Variants in AMPD1 observed in about 807,000 individuals in gnomAD.
AMPD1 encodes adenosine monophosphate deaminase 1.
AMPD1 carries 74 observed loss-of-function variants against 82.9 expected under a neutral mutation model. That is an observed-to-expected ratio of 0.89 (90% confidence interval 0.74 to 1.08). AMPD1 has a LOEUF of 1.08. AMPD1 is among the 50% of genes least tolerant of loss of function. AMPD1 has a pLI of 0.00. For missense variants in AMPD1, 881 were observed against 924.5 expected (o/e 0.95, Z 0.61); for synonymous variants, 333 against 320.5 (o/e 1.04, Z -0.42).
intron 2 of AMPD1, among the ~76,000 whole-genome samples, chr1:114,689,469 G>A (rs1469591856): frequency 6.6e-6 from 1 of 152,054 alleles, no homozygotes. Context: ...AAAATGGGGG[G>A]AAATGATGCT....
At chr1:114,693,350 AT>A in intron 2 of AMPD1, 85 bp downstream of exon 2, 1 of 1,335,480 alleles carries the variant, frequency 7.5e-7, no homozygotes, top group Non-Finnish European at 1.1e-6. Context: ...CTGCTGAAAA[AT>A]AGCCATGTTT....
At chr1:114,674,665 T>C in intron 13 of AMPD1, 87 bp downstream of exon 13, 1 of 1,490,044 alleles carries the variant, frequency 6.7e-7, no homozygotes, top group Non-Finnish European at 9.3e-7. Flanking sequence ...GCAGTGTCGA[T>C]AATGACTTGT....
chr1:114,677,717 A>G (rs1658032598), intron 9 of AMPD1, among the ~76,000 whole-genome samples, 193 bp downstream of exon 9: 1 of 151,904 alleles, frequency 6.6e-6, no homozygotes, highest in South Asian at 2.1e-4. Context: ...GTCAGAGGAA[A>G]TCCTTATATT....
chr1:114,674,612 G>A (rs1657926708), intron 13 of AMPD1, 140 bp downstream of exon 13: 1 of 999,808 alleles, frequency 1.0e-6, no homozygotes, highest in Admixed American at 2.4e-5. Flanking sequence ...AGAATGAACT[G>A]CACTAAACTA....
chr1:114,675,345 G>A (rs944038852), intron 12 of AMPD1, among the ~76,000 whole-genome samples, 185 bp downstream of exon 12: 1 of 151,934 alleles, frequency 6.6e-6, no homozygotes, highest in African/African-American at 2.4e-5. Context: ...TGAAAGCATC[G>A]AAATACCGAT....
In AMPD1 at chr1:114,679,768, C is replaced by A. The variant is rs1334360735; in HGVS notation, c.768-60G>T. ...TTCAGGCATTCAAGAAAAACAGTCACAATTTCAAAACTATCAGGACCTTTA... is the reference window on the plus strand; with the variant it reads ...TTCAGGCATTCAAGAAAAACAGTCAAAATTTCAAAACTATCAGGACCTTTA... On this transcript the variant is annotated intron_variant, in intron 6 of 15. Coordinates refer to ENST00000520113, the MANE Select transcript of AMPD1 (RefSeq NM_000036.3). 4.4e-6 allele frequency: 7 copies of A among 1,581,364 alleles called. No homozygotes were observed. In the East Asian group the frequency reaches 1.3e-4, roughly 30 times the overall value.
chr1:114,688,871 C>A, intron 2 of AMPD1, 130 bp from the exon 3 acceptor site: 1 of 994,904 alleles, frequency 1.0e-6, no homozygotes, highest in Non-Finnish European at 1.6e-6. Context: ...AACCAGGGTC[C>A]AACACAGAGC....
intron 2 of AMPD1, 61 bp from the exon 3 acceptor site, chr1:114,688,802 C>T: frequency 1.3e-6 from 2 of 1,585,006 alleles, no homozygotes; most frequent in Non-Finnish European, 1.7e-6. Flanking sequence ...CTGAGAGTTT[C>T]TGCTATGTGT....
In AMPD1 at chr1:114,674,043, G is replaced by A; in HGVS notation, c.1840C>T (p.Pro614Ser). 1 of 1,613,984 alleles carries A rather than the reference G, an allele frequency of 6.2e-7. No homozygotes were observed. The highest frequency in any genetic ancestry group is 8.5e-7 in the Non-Finnish European group (1 of 1,179,924). The change falls in exon 14 of 16, where the codon CCC becomes TCC. Residue 614 changes from proline to serine, a missense_variant. Pro to Ser is a moderately conservative substitution (Grantham distance 74). Transcript: ENST00000520113. ...LQYLFFLAQI[P>S]IAMSPLSNNS... ...TTACTTAGTGGTGACATGGCGATGG[G>A]AATTTGGGCTAAGAAAAACAAGTAC...
At chr1:114,683,575 A>G (rs527737716) in intron 5 of AMPD1, among the ~76,000 whole-genome samples, 1 of 152,220 alleles carries the variant, frequency 6.6e-6, no homozygotes, top group South Asian at 2.1e-4. Context: ...ATCTCTACAA[A>G]AAAATACAAA....
chr1:114,673,669 G>T lies in AMPD1; in HGVS notation c.2055C>A (p.Asn685Lys). ...GAGAAATTCCACACTGCAAGACACT[G>T]TTCCTTGCCACTTCGCACATATCAC... is the stretch of plus-strand genomic sequence containing the variant. Reference protein sequence around the residue: ...STCDMCEVARNSVLQCGISHE... With the variant: ...STCDMCEVARKSVLQCGISHE... Residue 685 changes from asparagine (N) to lysine (K), a missense_variant, in exon 15 of 16, where the codon AAC becomes AAA. By Grantham distance (94) the Asn-to-Lys change is moderately conservative. Coordinates refer to ENST00000520113, the MANE Select transcript of AMPD1 (RefSeq NM_000036.3). 2 of 1,614,088 alleles carry T rather than the reference G, an allele frequency of 1.2e-6. No individual in the cohort carries two copies. Among genetic ancestry groups the T allele is most frequent in the South Asian group, 1.1e-5 (1 of 91,088 alleles).
At position 114,674,210 on chromosome 1, in the gene AMPD1, T is replaced by C. The variant is rs918944439; in HGVS notation, c.1801-128A>G. The C allele has an allele frequency of 3.6e-6, 3 of 824,686 alleles. No individual in the cohort carries two copies. The African/African-American group carries it at 5.2e-5, about 14-fold the overall frequency. The allele number at this position is 824,686 out of a possible 1,614,324, so 51.1% of individuals were successfully genotyped here. A position where few individuals can be genotyped will look rare whatever the true frequency, so the allele number is the denominator to read the frequency against. ...AATTATCACTTGTTCTTCAAGTCTC[T>C]TAGTAAGGAGAATTTAGGAGTTTTT... is the stretch of plus-strand genomic sequence containing the variant. On this transcript the variant is annotated intron_variant, in intron 13 of 15. Coordinates refer to ENST00000520113, the MANE Select transcript of AMPD1 (RefSeq NM_000036.3).
At chr1:114,677,273 C>T (rs1177174497) in intron 10 of AMPD1, 78 bp downstream of exon 10, 9 of 1,571,716 alleles carry the variant, frequency 5.7e-6, no homozygotes, top group Admixed American at 1.7e-5. Context: ...ATGGGCAACA[C>T]GTTCCTTGTT....
chr1:114,680,330 A>G lies in AMPD1; in HGVS notation c.696T>C (p.Leu232=), dbSNP rs989085021. The change falls in exon 6 of 16, where the codon CTT becomes CTC. Residue 232 remains leucine, a synonymous_variant. Transcript: ENST00000520113. ...AGAAGGTGTCCAGATTTGGGTAAGG[A>G]AGTGGCTTAGGCTCATCTTTGCTGA... is the stretch of plus-strand genomic sequence containing the variant. ...AAVSKDEPKP[L]PYPNLDTFLD... The G allele has an allele frequency of 1.2e-6, 2 of 1,614,200 alleles. No individual in the cohort carries two copies. The highest frequency in any genetic ancestry group is 3.3e-5 in the Admixed American group (2 of 60,028).
chr1:114,687,001 T>G (rs1658341301), intron 3 of AMPD1, 91 bp from the exon 4 acceptor site: 1 of 1,403,570 alleles, frequency 7.1e-7, no homozygotes, highest in Admixed American at 1.7e-5. Flanking sequence ...AATTTTATTC[T>G]GAGGACAAAA....
At chr1:114,678,640 G>A in intron 7 of AMPD1, 113 bp from the exon 8 acceptor site, 2 of 986,874 alleles carry the variant, frequency 2.0e-6, no homozygotes, top group Middle Eastern at 2.8e-4. Context: ...TGAATAATGA[G>A]GATGTGAGCT....
chr1:114,688,117 T>C lies in AMPD1; in HGVS notation c.215+444A>G, dbSNP rs555517106. 5.7e-4 allele frequency among the ~76,000 whole-genome samples: 86 copies of C among 151,854 alleles called. 1 individual carries two copies. The South Asian group carries it at 0.018, about 31-fold the overall frequency. On this transcript the variant is annotated intron_variant, in intron 3 of 15. Transcript: ENST00000520113. ...ACTCTACTCACTCTAGCATATACAG[T>C]GTTGGGGGGAAAAGGAATTTTTTTT...
intron 5 of AMPD1, chr1:114,683,092 A>G (rs567522673): frequency 7.0e-6 from 3 of 428,494 alleles, no homozygotes; most frequent in Admixed American, 2.8e-5. Context: ...AATTATTAAA[A>G]TCTGATTGTT....
At chr1:114,688,863 C>A (rs761097969) in intron 2 of AMPD1, 122 bp from the exon 3 acceptor site, 2 of 1,120,366 alleles carry the variant, frequency 1.8e-6, no homozygotes, top group Non-Finnish European at 2.7e-6. Context: ...TGCTTTCCAA[C>A]CAGGGTCCAA....
Sources: allele counts gnomAD v4.1 joint callset (sites outside exome capture counted in the v4.1 genomes callset), GRCh38; gene constraint gnomAD v4.1.1; transcripts MANE v1.5; gene names NCBI Gene and HGNC (gene_info 2026-07-23, HGNC 2026-07-21).